Variants in TOX observed in about 807,000 individuals in gnomAD.
TOX encodes the protein thymocyte selection-associated high mobility group box protein TOX.
TOX carries 11 observed loss-of-function variants against 53.7 expected under a neutral mutation model. The observed-to-expected ratio is 0.20, with a 90% CI of 0.13 to 0.34. TOX has a LOEUF of 0.34. Among genes scored for constraint, TOX ranks in the 10% least tolerant of loss-of-function variants. The probability of loss-of-function intolerance (pLI) is 1.00; values close to 1 mark genes in which losing one functional copy is unlikely to be tolerated. For missense variants in TOX, 570 were observed against 664.6 expected (o/e 0.86, Z 1.56); for synonymous variants, 225 against 245.3 (o/e 0.92, Z 0.77).
At chr8:58,910,387 A>G (rs1380214684) in intron 3 of TOX, among the ~76,000 whole-genome samples, 1 of 152,156 alleles carries the variant, frequency 6.6e-6, no homozygotes, top group African/African-American at 2.4e-5. Context: ...GAATGTAAAA[A>G]CTTTGGGAAC....
At position 58,968,786 on chromosome 8, in the gene TOX, A is replaced by G. The variant is rs184319550; in HGVS notation, c.103-8778T>C. Among the ~76,000 whole-genome samples, 506 of 152,264 alleles carry G rather than the reference A, an allele frequency of 3.3e-3. 3 individuals carry two copies. The highest frequency in any genetic ancestry group is 5.7e-3 in the Non-Finnish European group (389 of 68,006). On this transcript the variant is annotated intron_variant, in intron 1 of 8. Transcript: ENST00000361421. The stretch of plus-strand genomic sequence containing the variant: ...AGTATGCTCAGTTCTAGGAACCTCA[A>G]AACAAAACAAAACAAAAAATAAGAC...
chr8:58,851,444 T>C lies in TOX; in HGVS notation c.693+80A>G. 6.7e-7 allele frequency: 1 copy of C among 1,492,600 alleles called. No individual in the cohort carries two copies. The highest frequency in any genetic ancestry group is 9.2e-7 in the Non-Finnish European group (1 of 1,090,704). The allele number at this position is 1,492,600 out of a possible 1,614,324, so 92.5% of individuals were successfully genotyped here. ...CCTCCAATGTTTCTCGCATGGATGA[T>C]ATAAACTTGTACCCAGCACAGGTCA... On this transcript the variant is annotated intron_variant, in intron 4 of 8. Coordinates refer to ENST00000361421, the MANE Select transcript of TOX (RefSeq NM_014729.3). This position sits in a 1 kb window ranked among gnomAD's most constrained non-coding sequence, Gnocchi z 4.4.
intron 3 of TOX, among the ~76,000 whole-genome samples, chr8:58,906,546 T>A (rs1193230134): frequency 6.6e-6 from 1 of 152,234 alleles, no homozygotes; most frequent in Non-Finnish European, 1.5e-5. Flanking sequence ...AAACTGCATA[T>A]TTATTTACAG....
At chr8:58,830,998 T>C (rs1306426403) in intron 5 of TOX, among the ~76,000 whole-genome samples, 1 of 152,206 alleles carries the variant, frequency 6.6e-6, no homozygotes, top group Admixed American at 6.5e-5. Context: ...ACTTAGTCCA[T>C]TTAACTTAAT....
At chr8:59,116,630 T>A (rs1805103997) in intron 1 of TOX, among the ~76,000 whole-genome samples, 1 of 152,234 alleles carries the variant, frequency 6.6e-6, no homozygotes, top group East Asian at 1.9e-4. Context: ...TCTGATGGAC[T>A]GCTACACAGA....
intron 1 of TOX, among the ~76,000 whole-genome samples, chr8:59,044,230 CAAA>C (rs78904701): frequency 1.1e-4 from 13 of 114,078 alleles, no homozygotes; most frequent in Non-Finnish European, 9.3e-5. Flanking sequence ...TGGCACTCAT[CAAA>C]AAAAAAAAAA....
intron 5 of TOX, 123 bp downstream of exon 5, chr8:58,837,958 G>A: frequency 1.2e-6 from 1 of 819,648 alleles, no homozygotes; most frequent in South Asian, 1.8e-5. Flanking sequence ...TGGTTCGGAT[G>A]GGGACACCTT....
At chr8:59,076,583 T>A (rs895047942) in intron 1 of TOX, among the ~76,000 whole-genome samples, 10 of 152,230 alleles carry the variant, frequency 6.6e-5, no homozygotes, top group African/African-American at 2.2e-4. Context: ...GATAAAAATA[T>A]ACAATGTGAC....
At chr8:58,938,887 C>T (rs373908168) in intron 3 of TOX, among the ~76,000 whole-genome samples, 1 of 152,018 alleles carries the variant, frequency 6.6e-6, no homozygotes, top group East Asian at 1.9e-4. Flanking sequence ...AATTGAGAGC[C>T]GAAAATAGGA....
chr8:59,041,908 T>C (rs1195155887), intron 1 of TOX, among the ~76,000 whole-genome samples: 1 of 152,216 alleles, frequency 6.6e-6, no homozygotes. Context: ...AATCTGTTGA[T>C]TTATAATTCC....
chr8:59,042,769 A>C (rs1803614614), intron 1 of TOX, among the ~76,000 whole-genome samples: 1 of 152,216 alleles, frequency 6.6e-6, no homozygotes. Flanking sequence ...ATGGGTATTA[A>C]CTAGTCCTTT....
intron 3 of TOX, among the ~76,000 whole-genome samples, chr8:58,922,309 T>A (rs1812087208): frequency 6.6e-6 from 1 of 152,218 alleles, no homozygotes; most frequent in African/African-American, 2.4e-5. Context: ...AGACGTAACG[T>A]ATATTTTAAT....
At chr8:58,992,098 T>A (rs1311441992) in intron 1 of TOX, 1 of 152,250 alleles carries the variant, frequency 6.6e-6, no homozygotes, top group African/African-American at 2.4e-5. Flanking sequence ...TGCTGCTGGC[T>A]ATGACTTTGT....
At chr8:58,990,059 C>T (rs538907635) in intron 1 of TOX, among the ~76,000 whole-genome samples, 22 of 152,330 alleles carry the variant, frequency 1.4e-4, no homozygotes, top group Admixed American at 1.3e-3. Flanking sequence ...AACCAGGCTT[C>T]ATGCAATATT....
At chr8:58,873,706 T>C (rs144676969) in intron 3 of TOX, among the ~76,000 whole-genome samples, 220 of 152,212 alleles carry the variant, frequency 1.4e-3, no homozygotes, top group African/African-American at 5.0e-3. Context: ...TGTGCTGGCA[T>C]CTGATGGAAT....
At chr8:59,003,092 A>C (rs1217650599) in intron 1 of TOX, among the ~76,000 whole-genome samples, 2 of 152,204 alleles carry the variant, frequency 1.3e-5, no homozygotes. Context: ...TAAAAGTAAA[A>C]AGCTTTGTTG....
At chr8:58,975,596 T>C (rs544408750) in intron 1 of TOX, among the ~76,000 whole-genome samples, 4 of 152,340 alleles carry the variant, frequency 2.6e-5, no homozygotes, top group South Asian at 2.1e-4. Context: ...GATAGAATTA[T>C]GTCTAAAAAT....
intron 5 of TOX, among the ~76,000 whole-genome samples, chr8:58,829,171 G>C (rs552390386): frequency 1.3e-5 from 2 of 152,260 alleles, no homozygotes; most frequent in South Asian, 4.1e-4. Context: ...GTGTGACTAC[G>C]ATGCTATCCC....
At position 59,118,864 on chromosome 8, in the gene TOX, G is replaced by C. The variant is rs1805157215; in HGVS notation, c.102+22C>G. On this transcript the variant is annotated intron_variant, in intron 1 of 8. Coordinates refer to ENST00000361421, the MANE Select transcript of TOX (RefSeq NM_014729.3). This position sits in a 1 kb window ranked among gnomAD's most constrained non-coding sequence, Gnocchi z 4.1. Reference sequence around the variant, plus strand: ...AGGATCAAGCAGCAAGAACACGGTGGAAACAAAAGCAGAGCGTTCACCTTG... The same window carrying C: ...AGGATCAAGCAGCAAGAACACGGTGCAAACAAAAGCAGAGCGTTCACCTTG... 2 of 1,549,496 alleles carry C rather than the reference G, an allele frequency of 1.3e-6. No homozygotes were observed. Among genetic ancestry groups the C allele is most frequent in the South Asian group, 1.2e-5 (1 of 86,798 alleles).
Sources: allele counts gnomAD v4.1 joint callset (sites outside exome capture counted in the v4.1 genomes callset), GRCh38; gene constraint gnomAD v4.1.1; non-coding constraint Gnocchi (gnomAD v3.1); transcripts MANE v1.5; gene names NCBI Gene and HGNC (gene_info 2026-07-23, HGNC 2026-07-21).